RTN1: variants seen among roughly 807,000 people sequenced by gnomAD.
RTN1 encodes reticulon-1.
RTN1 carries 25 observed loss-of-function variants against 65.5 expected under a neutral mutation model. The observed-to-expected ratio is 0.38, with a 90% CI of 0.28 to 0.53. The LOEUF (loss-of-function observed/expected upper bound fraction) is 0.53, where lower values mean the gene tolerates loss of function less well. Among genes scored for constraint, RTN1 ranks in the 20% least tolerant of loss-of-function variants. RTN1 has a pLI of 0.79. For missense variants in RTN1, 983 were observed against 1,025.4 expected, an observed-to-expected ratio of 0.96 and a Z score of 0.57; for synonymous variants, 471 against 447.6, an observed-to-expected ratio of 1.05 and a Z score of -0.66.
At chr14:59,676,207 GACTA>G (rs1178838567) in intron 3 of RTN1, among the ~76,000 whole-genome samples, 6 of 152,120 alleles carry the variant, frequency 3.9e-5, no homozygotes, top group East Asian at 1.9e-4. Flanking sequence ...GTATACTTAT[GACTA>G]ACTGTCTTCA....
rs1057028127 is a variant in RTN1 at position 59,870,516 on chromosome 14, T to C, written c.115A>G (p.Thr39Ala). Residue 39 changes from threonine to alanine, a missense_variant, in exon 1 of 9, where the codon ACG becomes GCG. Around this residue, in one of 2 missense-constraint regions of RTN1, gnomAD observed 818 missense variants for 801.8 expected, o/e 1.02. Coordinates refer to ENST00000267484, the MANE Select transcript of RTN1 (RefSeq NM_021136.3). The surrounding 1 kb of genome is among the most constrained non-coding windows in gnomAD (Gnocchi z 5.1). The stretch of plus-strand genomic sequence containing the variant: ...GGCTCCCCAGCCTGCGGCGCCGGCG[T>C]GGCCCCTTTCGGCGTCACCGCTTCG... ...ENEAVTPKGA[T>A]PAPQAGEPSP... 10 of 1,458,604 alleles carry C rather than the reference T, an allele frequency of 6.9e-6. No individual in the cohort carries two copies. Among genetic ancestry groups the C allele is most frequent in the Middle Eastern group, 2.3e-4 (1 of 4,374 alleles). 90.4% of individuals were successfully genotyped at this position (1,458,604 alleles called of 1,614,324 possible).
In RTN1 at chr14:59,870,565, G is replaced by C; in HGVS notation, c.66C>G (p.Leu22=). The C allele has an allele frequency of 6.9e-7, 1 of 1,456,522 alleles. No individual in the cohort carries two copies. The highest frequency in any genetic ancestry group is 1.3e-5 in the South Asian group (1 of 75,078). 90.2% of individuals were successfully genotyped at this position (1,456,522 alleles called of 1,614,324 possible). A position where few individuals can be genotyped will look rare whatever the true frequency, so the allele number is the denominator to read the frequency against. ...CGTTCTCCCCCTCCCCCCGGTGCCT[G>C]AGCCACTGGGACCCGGGGCCGGCCA... ...LPLAGPGSQW[L]RHRGEGENEA... is the part of the protein sequence containing the mutation. Residue 22 remains leucine, a synonymous_variant, in exon 1 of 9, where the codon CTC becomes CTG. Transcript: ENST00000267484. This position sits in a 1 kb window ranked among gnomAD's most constrained non-coding sequence, Gnocchi z 5.1.
chr14:59,740,000 G>A (rs1403908439), intron 2 of RTN1, among the ~76,000 whole-genome samples: 4 of 152,188 alleles, frequency 2.6e-5, no homozygotes. Context: ...CTGATGCTGC[G>A]TTGTTCTGGA....
rs557077554 is a variant in RTN1, at chr14:59,774,963, C to T, written c.242-28482G>A. The stretch of plus-strand genomic sequence containing the variant: ...AAACTGTTGCAATAACAGACAGAAA[C>T]CTCCTTTACATCTATGGCAGAGATG... On this transcript the variant is annotated intron_variant, in intron 1 of 8. Transcript: ENST00000267484. The surrounding 1 kb of genome is among the most constrained non-coding windows in gnomAD (Gnocchi z 5.1). Among the ~76,000 whole-genome samples the T allele has an allele frequency of 1.1e-4, 17 of 152,308 alleles. No homozygotes were observed. The South Asian group carries it at 1.9e-3, about 17-fold the overall frequency.
intron 3 of RTN1, among the ~76,000 whole-genome samples, chr14:59,694,015 C>T (rs1337162678): frequency 6.6e-6 from 1 of 152,206 alleles, no homozygotes; most frequent in African/African-American, 2.4e-5. Flanking sequence ...GTTCCCTTCA[C>T]CTCAACCTCA....
At chr14:59,606,951 C>G (rs889946999) in intron 4 of RTN1, among the ~76,000 whole-genome samples, 4 of 152,202 alleles carry the variant, frequency 2.6e-5, no homozygotes, top group Non-Finnish European at 5.9e-5. Context: ...TTCTCAGAAC[C>G]TCAGTGTTCC....
chr14:59,731,628 A>G (rs939130780), intron 2 of RTN1, among the ~76,000 whole-genome samples: 10 of 152,172 alleles, frequency 6.6e-5, no homozygotes, highest in African/African-American at 2.4e-4. Context: ...ATTCTACTGA[A>G]TACATCATTT....
At chr14:59,721,616 C>T (rs899783162) in intron 3 of RTN1, among the ~76,000 whole-genome samples, 4 of 152,212 alleles carry the variant, frequency 2.6e-5, no homozygotes. Context: ...GGTCCCCAAG[C>T]AACACTTAAG....
intron 3 of RTN1, among the ~76,000 whole-genome samples, chr14:59,642,078 T>C (rs768775568): frequency 6.6e-6 from 1 of 152,196 alleles, no homozygotes; most frequent in African/African-American, 2.4e-5. Context: ...AATAACTTTA[T>C]CTTATTTTCA....
intron 1 of RTN1, among the ~76,000 whole-genome samples, chr14:59,785,041 G>C (rs1437457741): frequency 6.6e-6 from 1 of 152,100 alleles, no homozygotes; most frequent in Non-Finnish European, 1.5e-5. Flanking sequence ...TGTTTTTATA[G>C]ATCCTACAAC....
chr14:59,693,071 G>A (rs1049738690), intron 3 of RTN1, among the ~76,000 whole-genome samples: 17 of 152,232 alleles, frequency 1.1e-4, no homozygotes, highest in African/African-American at 3.6e-4. Flanking sequence ...TCACATGAAT[G>A]GGCTTAGTCC....
intron 3 of RTN1, among the ~76,000 whole-genome samples, chr14:59,686,469 T>C (rs1883848850): frequency 6.6e-6 from 1 of 152,248 alleles, no homozygotes; most frequent in Non-Finnish European, 1.5e-5. Flanking sequence ...TTTTCCAAGA[T>C]GGTGAATGTT....
At chr14:59,840,098 A>T (rs1461935116) in intron 1 of RTN1, among the ~76,000 whole-genome samples, 1 of 151,994 alleles carries the variant, frequency 6.6e-6, no homozygotes, top group Non-Finnish European at 1.5e-5. Context: ...TATTCAATGC[A>T]GTTCTATTTC....
intron 3 of RTN1, among the ~76,000 whole-genome samples, chr14:59,616,281 G>C (rs1882098854): frequency 6.6e-6 from 1 of 152,164 alleles, no homozygotes; most frequent in East Asian, 1.9e-4. Context: ...TTAACAGACT[G>C]TGTGCCACAG....
rs1881399572 is a variant in RTN1 at position 59,596,432 on chromosome 14, C to T, written c.*313G>A. ...AACATTAGAAGCTACAGAAGCATTG[C>T]AGAGAAGAGAAGAAGAACACCGAAG... is the stretch of plus-strand genomic sequence containing the variant. On this transcript the variant is annotated 3_prime_UTR_variant, in exon 9 of 9. Coordinates refer to ENST00000267484, the MANE Select transcript of RTN1 (RefSeq NM_021136.3). 4.4e-6 allele frequency: 1 copy of T among 226,330 alleles called. No homozygotes were observed. Among genetic ancestry groups the T allele is most frequent in the Admixed American group, 5.3e-5 (1 of 18,770 alleles). 14.0% of individuals were successfully genotyped at this position (226,330 alleles called of 1,614,324 possible).
chr14:59,768,291 A>C (rs1372359095), intron 1 of RTN1, among the ~76,000 whole-genome samples: 3 of 152,196 alleles, frequency 2.0e-5, no homozygotes, highest in African/African-American at 4.8e-5. Flanking sequence ...TTTTTTAAAA[A>C]ATTCCCTATA....
In RTN1 at chr14:59,849,511, T is replaced by TA. The variant is rs1943123553; in HGVS notation, c.241+20878dup. ...TCAGCTAAATTCTTCTCCATTTAGA[T>TA]AAAGTTAATATGAGTCTTTTGGAAA... is the stretch of plus-strand genomic sequence containing the variant. On this transcript the variant is annotated intron_variant, in intron 1 of 8. Coordinates refer to ENST00000267484, the MANE Select transcript of RTN1 (RefSeq NM_021136.3). The surrounding 1 kb of genome is among the most constrained non-coding windows in gnomAD (Gnocchi z 4.5). Among the ~76,000 whole-genome samples the TA allele has an allele frequency of 6.6e-6, 1 of 152,180 alleles. No individual in the cohort carries two copies. Among genetic ancestry groups the TA allele is most frequent in the African/African-American group, 2.4e-5 (1 of 41,446 alleles).
chr14:59,696,907 A>G (rs1410344736), intron 3 of RTN1, among the ~76,000 whole-genome samples: 1 of 152,182 alleles, frequency 6.6e-6, no homozygotes, highest in African/African-American at 2.4e-5. Context: ...AAAAACAAGA[A>G]TCACAAGATC....
intron 3 of RTN1, among the ~76,000 whole-genome samples, chr14:59,664,466 TA>T (rs577730583): frequency 3.0e-4 from 46 of 152,182 alleles, no homozygotes; most frequent in African/African-American, 1.0e-3. Context: ...TCAAGTATAA[TA>T]AAAAAAGTCA....
Sources: allele counts gnomAD v4.1 joint callset (sites outside exome capture counted in the v4.1 genomes callset), GRCh38; gene constraint gnomAD v4.1.1; regional missense constraint gnomAD v4.1.1; non-coding constraint Gnocchi (gnomAD v3.1); transcripts MANE v1.5; gene names NCBI Gene and HGNC (gene_info 2026-07-23, HGNC 2026-07-21).